PLD5: variants seen among roughly 807,000 people sequenced by gnomAD.
The protein encoded by PLD5 is phospholipase D family member 5, also known as inactive phospholipase D5.
PLD5 carries 36 observed loss-of-function variants against 61.1 expected under a neutral mutation model. The ratio of observed to expected loss-of-function variants is 0.59; its 90% CI spans 0.45 to 0.78. PLD5 has a LOEUF of 0.78. Among genes scored for constraint, PLD5 ranks in the 30% least tolerant of loss-of-function variants. The pLI is 0.00. For missense variants in PLD5, 515 were observed against 644.4 expected (o/e 0.80, Z 2.17); for synonymous variants, 243 against 242.8 (o/e 1.00, Z -0.01).
At chr1:242,387,222 TTG>T (rs1662650653) in intron 1 of PLD5, among the ~76,000 whole-genome samples, 1 of 152,084 alleles carries the variant, frequency 6.6e-6, no homozygotes, top group East Asian at 1.9e-4. Context: ...CCCAGCAGGG[TTG>T]TGTGTGTGTC....
rs11458705 is a variant in PLD5, at chr1:242,508,209, C to CAAA, written c.189+15876_189+15878dup. ...TGAAACCCTGTCTCCACTAAAAATA[C>CAAA]AAAAAAAAAAAAAATTAGCTGGGCA... On this transcript the variant is annotated intron_variant, in intron 1 of 9. Transcript: ENST00000536534. Among the ~76,000 whole-genome samples the CAAA allele has an allele frequency of 1.1e-4, 15 of 137,694 alleles. 1 individual carries two copies. The highest frequency in any genetic ancestry group is 4.0e-4 in the African/African-American group (15 of 37,674). 90.3% of individuals were successfully genotyped at this position (137,694 alleles called of 152,430 possible).
At chr1:242,479,176 T>G (rs1667691260) in intron 1 of PLD5, among the ~76,000 whole-genome samples, 1 of 152,108 alleles carries the variant, frequency 6.6e-6, no homozygotes, top group Non-Finnish European at 1.5e-5. Context: ...CAATGGACCA[T>G]GGGCAGCACA....
At chr1:242,425,926 A>G (rs1665398309) in intron 1 of PLD5, among the ~76,000 whole-genome samples, 1 of 152,166 alleles carries the variant, frequency 6.6e-6, no homozygotes, top group African/African-American at 2.4e-5. Flanking sequence ...TACAGGCATG[A>G]GCCACTGCAC....
chr1:242,380,774 T>C (rs1005991083), intron 1 of PLD5, among the ~76,000 whole-genome samples: 1 of 152,056 alleles, frequency 6.6e-6, no homozygotes, highest in African/African-American at 2.4e-5. Context: ...AAAGAAGACA[T>C]TCATGTGGCC....
At chr1:242,484,846 A>G (rs547499805) in intron 1 of PLD5, among the ~76,000 whole-genome samples, 10 of 152,330 alleles carry the variant, frequency 6.6e-5, no homozygotes, top group Admixed American at 3.3e-4. Context: ...CAGCACACCA[A>G]AAAGCTTATC....
intron 3 of PLD5, among the ~76,000 whole-genome samples, chr1:242,277,882 C>T (rs2149122953): frequency 6.6e-6 from 1 of 152,270 alleles, no homozygotes; most frequent in East Asian, 1.9e-4. Flanking sequence ...ACTTGGCAGG[C>T]TGAAGCAGGA....
intron 4 of PLD5, among the ~76,000 whole-genome samples, chr1:242,221,228 A>G (rs1204309100): frequency 6.6e-6 from 1 of 152,232 alleles, no homozygotes; most frequent in African/African-American, 2.4e-5. Context: ...TCTCAAAAGG[A>G]GCATACAGTC....
At chr1:242,266,849 C>T (rs1358811151) in intron 3 of PLD5, among the ~76,000 whole-genome samples, 5 of 152,066 alleles carry the variant, frequency 3.3e-5, no homozygotes, top group African/African-American at 9.7e-5. Flanking sequence ...GGGTGCGTAG[C>T]CTCACACCTG....
chr1:242,289,162 C>T (rs576794192), intron 2 of PLD5, among the ~76,000 whole-genome samples: 1 of 152,242 alleles, frequency 6.6e-6, no homozygotes, highest in East Asian at 1.9e-4. Context: ...CTGCAATTGG[C>T]AATATTCTAA....
At chr1:242,413,113 G>A (rs1383243372) in intron 1 of PLD5, among the ~76,000 whole-genome samples, 2 of 152,176 alleles carry the variant, frequency 1.3e-5, no homozygotes, top group East Asian at 3.9e-4. Context: ...TTACTCTGCA[G>A]GAAGTTGTGA....
intron 5 of PLD5, among the ~76,000 whole-genome samples, chr1:242,131,382 C>T (rs373564875): frequency 8.6e-5 from 13 of 152,046 alleles, no homozygotes; most frequent in East Asian, 1.9e-4. Context: ...TTTTGAAGTA[C>T]GGGGGACTTT....
Position 242,394,692 on chromosome 1 carries a change from GTA to G in PLD5, c.190-46452_190-46451del, listed in dbSNP as rs1164274430. Among the ~76,000 whole-genome samples, 7 of 48,710 alleles carry G rather than the reference GTA, an allele frequency of 1.4e-4. 1 individual carries two copies. Among genetic ancestry groups the G allele is most frequent in the South Asian group, 8.2e-4 (1 of 1,224 alleles). The allele number at this position is 48,710 out of a possible 152,430, so 32.0% of individuals were successfully genotyped here. A position where few individuals can be genotyped will look rare whatever the true frequency, so the allele number is the denominator to read the frequency against. On this transcript the variant is annotated intron_variant, in intron 1 of 9. Coordinates refer to ENST00000536534, the MANE Select transcript of PLD5 (RefSeq NM_001372062.1). ...TGTGTATATATGTGAACATATATGT[GTA>G]TATATGTGAACATATATGTGTATAT...
intron 5 of PLD5, among the ~76,000 whole-genome samples, chr1:242,136,037 G>T (rs191210540): frequency 7.9e-5 from 12 of 152,242 alleles, no homozygotes; most frequent in African/African-American, 2.9e-4. Context: ...GAGCAGCCTG[G>T]TCTTTGACTG....
intron 2 of PLD5, among the ~76,000 whole-genome samples, chr1:242,332,886 T>C (rs1254173455): frequency 6.6e-6 from 1 of 152,170 alleles, no homozygotes; most frequent in Admixed American, 6.5e-5. Flanking sequence ...AAGTACTATA[T>C]CAGAGGTCAG....
chr1:242,421,103 C>T (rs1486769541), intron 1 of PLD5, among the ~76,000 whole-genome samples: 1 of 149,720 alleles, frequency 6.7e-6, no homozygotes, highest in African/African-American at 2.5e-5. Context: ...TCACTTGAAC[C>T]CTGGAGGTGA....
At chr1:242,156,713 A>G (rs1392627175) in intron 5 of PLD5, among the ~76,000 whole-genome samples, 2 of 152,184 alleles carry the variant, frequency 1.3e-5, no homozygotes, top group Non-Finnish European at 2.9e-5. Flanking sequence ...GTTTCTGCAG[A>G]GAGATATGCT....
intron 5 of PLD5, among the ~76,000 whole-genome samples, chr1:242,190,742 A>AC (rs1301368363): frequency 9.9e-4 from 150 of 152,088 alleles, no homozygotes; most frequent in African/African-American, 3.5e-3. Context: ...AAACAAACAA[A>AC]AAAAAAATAG....
chr1:242,192,335 AT>A (rs1668337356), intron 5 of PLD5: 1 of 152,056 alleles, frequency 6.6e-6, no homozygotes, highest in Admixed American at 6.6e-5. Context: ...CTTTTCTCAC[AT>A]CCACTTGTCA....
chr1:242,511,826 G>T (rs1668919254), intron 1 of PLD5, among the ~76,000 whole-genome samples: 1 of 152,188 alleles, frequency 6.6e-6, no homozygotes, highest in South Asian at 2.1e-4. Context: ...TGGAGTTGAG[G>T]TGTTAACACA....
Sources: gnomAD v4.1 joint callset for allele counts (sites outside exome capture counted in the v4.1 genomes callset) on GRCh38, gnomAD v4.1.1 for gene constraint, MANE v1.5 for transcripts, NCBI Gene and HGNC (gene_info 2026-07-23, HGNC 2026-07-21) for gene names.